The following GIPC2 variants were observed in gnomAD, a reference collection of about 807,000 sequenced individuals.
GIPC2 encodes GIPC PDZ domain containing family member 2.
In GIPC2, 30 loss-of-function variants were observed where a neutral mutation model predicts 30.6. The ratio of observed to expected loss-of-function variants is 0.98; its 90% CI spans 0.73 to 1.33. The LOEUF is 1.33. Ranked by LOEUF, GIPC2 falls within the 40% of genes most tolerant of loss-of-function variation. GIPC2 has a pLI of 0.00. For synonymous variants in GIPC2, 167 were observed against 150.0 expected (o/e 1.11, Z -0.83); for missense variants, 414 against 390.3 (o/e 1.06, Z -0.51).
chr1:78,069,829 T>G (rs1661585175), intron 1 of GIPC2, among the ~76,000 whole-genome samples: 1 of 152,172 alleles, frequency 6.6e-6, no homozygotes, highest in African/African-American at 2.4e-5. Flanking sequence ...AGAAACATCT[T>G]TCTCTCTCAA....
chr1:78,080,213 T>G (rs1661798071), intron 1 of GIPC2, among the ~76,000 whole-genome samples: 1 of 152,202 alleles, frequency 6.6e-6, no homozygotes. Flanking sequence ...TGCAGACCTT[T>G]GGGACTATAA....
chr1:78,057,154 G>A (rs929823297), intron 1 of GIPC2, among the ~76,000 whole-genome samples: 4 of 152,146 alleles, frequency 2.6e-5, no homozygotes, highest in Non-Finnish European at 5.9e-5. Flanking sequence ...TAAAATAGGG[G>A]TCTTACCTTT....
At position 78,046,110 on chromosome 1, in the gene GIPC2, C is replaced by T. The variant is rs1441111093; in HGVS notation, c.16C>T (p.Arg6Trp). Reference sequence around the variant, plus strand: ...GCCCTGCAAGATGCCCCTGAAGCTGCGGGGGAAGAAGAAGGCCAAGTCCAA... The same window carrying T: ...GCCCTGCAAGATGCCCCTGAAGCTGTGGGGGAAGAAGAAGGCCAAGTCCAA... MPLKL[R>W]GKKKAKSKET... Residue 6 changes from arginine (R) to tryptophan (W), a missense_variant, in exon 1 of 6, where the codon CGG becomes TGG. Physicochemically the swap from Arg to Trp is moderately radical, Grantham distance 101. Transcript: ENST00000370759. The T allele has an allele frequency of 6.8e-7, 1 of 1,477,136 alleles. No individual in the cohort carries two copies. The highest frequency in any genetic ancestry group is 8.9e-7 in the Non-Finnish European group (1 of 1,118,382). 91.5% of individuals were successfully genotyped at this position (1,477,136 alleles called of 1,614,324 possible).
intron 3 of GIPC2, among the ~76,000 whole-genome samples, chr1:78,113,868 T>C (rs1662519302): frequency 6.6e-6 from 1 of 151,998 alleles, no homozygotes; most frequent in African/African-American, 2.4e-5. Context: ...TACCTATTTT[T>C]TTTTTTTTTT....
At chr1:78,126,994 A>G (rs986600817) in intron 5 of GIPC2, among the ~76,000 whole-genome samples, 1 of 152,188 alleles carries the variant, frequency 6.6e-6, no homozygotes, top group African/African-American at 2.4e-5. Context: ...CAGAAGCAAG[A>G]TAAATGTTCC....
intron 2 of GIPC2, among the ~76,000 whole-genome samples, chr1:78,085,897 G>GTTTTTTTTTTTTTTT (rs35412467): frequency 1.7e-5 from 2 of 120,306 alleles, no homozygotes; most frequent in East Asian, 2.5e-4. Context: ...TCTTTTGAAT[G>GTTTTTTTTTTTTTTT]TTTTTTTTTT....
chr1:78,082,007 G>A (rs567991321), intron 2 of GIPC2, among the ~76,000 whole-genome samples: 2 of 152,078 alleles, frequency 1.3e-5, no homozygotes, highest in South Asian at 2.1e-4. Context: ...ATCTTTCCCC[G>A]CAAAGTAGCC....
chr1:78,053,344 A>G (rs539039005), intron 1 of GIPC2, among the ~76,000 whole-genome samples: 1 of 152,302 alleles, frequency 6.6e-6, no homozygotes, highest in East Asian at 1.9e-4. Context: ...ATTTCCTGAC[A>G]GCACCCTATC....
At chr1:78,069,599 G>A (rs1361328885) in intron 1 of GIPC2, among the ~76,000 whole-genome samples, 2 of 150,424 alleles carry the variant, frequency 1.3e-5, no homozygotes, top group Non-Finnish European at 3.0e-5. Context: ...TCAGCCTCCT[G>A]AGTAGCTGGG....
intron 1 of GIPC2, among the ~76,000 whole-genome samples, chr1:78,067,058 G>T (rs142120801): frequency 1.3e-4 from 20 of 152,288 alleles, no homozygotes; most frequent in African/African-American, 4.8e-4. Flanking sequence ...ATTGAGTAGC[G>T]ATTTTAGAAA....
rs1407470804 is a variant in GIPC2 at position 78,046,392 on chromosome 1, C to T, written c.240+58C>T. 12 of 1,473,252 alleles carry T rather than the reference C, an allele frequency of 8.1e-6. No homozygotes were observed. The East Asian group carries it at 1.4e-4, about 18-fold the overall frequency. The allele number at this position is 1,473,252 out of a possible 1,614,324, so 91.3% of individuals were successfully genotyped here. On this transcript the variant is annotated intron_variant, in intron 1 of 5. Transcript: ENST00000370759. ...CTCCGCCGCGCCGCGCCGCGCCGCG[C>T]GTATTTCTGTGGGCCCAGGAGGGTT...
At chr1:78,125,806 G>T in intron 4 of GIPC2, 75 bp from the exon 5 acceptor site, 1 of 780,424 alleles carries the variant, frequency 1.3e-6, no homozygotes, top group Non-Finnish European at 2.2e-6. Flanking sequence ...TCCACATCAG[G>T]CTTTCTCTTG....
At chr1:78,066,298 T>C (rs1191795997) in intron 1 of GIPC2, among the ~76,000 whole-genome samples, 1 of 152,172 alleles carries the variant, frequency 6.6e-6, no homozygotes. Context: ...TTAACATCAC[T>C]GATCATTAGA....
intron 2 of GIPC2, 182 bp from the exon 3 acceptor site, chr1:78,094,770 A>G (rs779047679): frequency 9.6e-5 from 48 of 499,114 alleles, no homozygotes; most frequent in Non-Finnish European, 1.5e-4. Flanking sequence ...TTAATGTCTC[A>G]AAAGCATAAA....
At chr1:78,092,257 G>GTGA in intron 2 of GIPC2, among the ~76,000 whole-genome samples, 1 of 152,308 alleles carries the variant, frequency 6.6e-6, no homozygotes, top group South Asian at 2.1e-4. Flanking sequence ...GCTGACATCT[G>GTGA]TGATGAGAAG....
At chr1:78,123,914 T>C (rs1022103) in intron 4 of GIPC2, among the ~76,000 whole-genome samples, 22,243 of 152,260 alleles carry the variant, frequency 0.15, 1,703 homozygotes, top group Middle Eastern at 0.24. Context: ...TTGTCTGTTA[T>C]TGTTTTTAAG....
intron 3 of GIPC2, among the ~76,000 whole-genome samples, chr1:78,115,328 G>T (rs1003202771): frequency 2.0e-5 from 3 of 152,126 alleles, no homozygotes; most frequent in African/African-American, 7.2e-5. Flanking sequence ...AGCACATGTG[G>T]TAGATGAGAA....
intron 2 of GIPC2, chr1:78,092,178 A>T: frequency 1.6e-6 from 1 of 616,096 alleles, no homozygotes; most frequent in Non-Finnish European, 2.8e-6. Context: ...CCTTTAAAAA[A>T]CCCAAGGGAA....
intron 1 of GIPC2, among the ~76,000 whole-genome samples, chr1:78,076,628 C>T (rs1661721888): frequency 6.6e-6 from 1 of 152,176 alleles, no homozygotes; most frequent in South Asian, 2.1e-4. Context: ...GCTTGCCTGC[C>T]TGCTACTCAC....
Sources: allele counts gnomAD v4.1 joint callset (sites outside exome capture counted in the v4.1 genomes callset), GRCh38; gene constraint gnomAD v4.1.1; transcripts MANE v1.5; gene names NCBI Gene and HGNC (gene_info 2026-07-23, HGNC 2026-07-21).